TNFAIP1: variants seen among roughly 807,000 people sequenced by gnomAD.
TNFAIP1 encodes BTB/POZ domain-containing adapter for CUL3-mediated RhoA degradation protein 2.
Under a neutral mutation model 32.6 loss-of-function variants are expected in TNFAIP1, and 20 were observed. The ratio of observed to expected loss-of-function variants is 0.61; its 90% CI spans 0.43 to 0.89. TNFAIP1 has a LOEUF of 0.89. Among genes scored for constraint, TNFAIP1 ranks in the 40% least tolerant of loss-of-function variants. The pLI is 0.00. For synonymous variants in TNFAIP1, 166 were observed against 166.8 expected, an observed-to-expected ratio of 1.00 and a Z score of 0.04; for missense variants, 319 against 425.1, an observed-to-expected ratio of 0.75 and a Z score of 2.20.
At position 28,339,424 on chromosome 17, in the gene TNFAIP1, C is replaced by G. The variant is rs1907281785; in HGVS notation, c.-98C>G. 1.7e-6 allele frequency: 2 copies of G among 1,211,068 alleles called. No individual in the cohort carries two copies. The highest frequency in any genetic ancestry group is 1.5e-5 in the African/African-American group (1 of 65,756). The allele number at this position is 1,211,068 out of a possible 1,614,324, so 75.0% of individuals were successfully genotyped here. A position where few individuals can be genotyped will look rare whatever the true frequency, so the allele number is the denominator to read the frequency against. On this transcript the variant is annotated 5_prime_UTR_variant, in exon 2 of 7. Transcript: ENST00000226225. ...CATGTACAGCACTGAGATTATGAGG[C>G]TCTGGCCTCCACTGGCCACTCACTC...
chr17:28,343,845 G>A (rs1281419491), intron 6 of TNFAIP1, among the ~76,000 whole-genome samples: 1 of 152,098 alleles, frequency 6.6e-6, no homozygotes, highest in Non-Finnish European at 1.5e-5. Flanking sequence ...TCATGCCGGT[G>A]ACACACTGCG....
At chr17:28,344,245 C>A in intron 6 of TNFAIP1, 119 bp from the exon 7 acceptor site, 3 of 866,254 alleles carry the variant, frequency 3.5e-6, no homozygotes, top group Non-Finnish European at 5.6e-6. Context: ...GGAGACGGAC[C>A]GCCACCTGTT....
chr17:28,341,819 C>T (rs1907372294), intron 5 of TNFAIP1, among the ~76,000 whole-genome samples: 1 of 152,176 alleles, frequency 6.6e-6, no homozygotes, highest in African/African-American at 2.4e-5. Context: ...CTCCCCACAC[C>T]CTCCAGGCCA....
In TNFAIP1 at chr17:28,340,583, T is replaced by C. The variant is rs970166168; in HGVS notation, c.375+105T>C. 1.2e-5 allele frequency: 16 copies of C among 1,341,108 alleles called. No individual in the cohort carries two copies. The African/African-American group carries it at 1.7e-4, about 14-fold the overall frequency. 83.1% of individuals were successfully genotyped at this position (1,341,108 alleles called of 1,614,324 possible). On this transcript the variant is annotated intron_variant, in intron 3 of 6. Coordinates refer to ENST00000226225, the MANE Select transcript of TNFAIP1 (RefSeq NM_021137.5). This position sits in a 1 kb window ranked among gnomAD's most constrained non-coding sequence, Gnocchi z 4.1. ...CTGGCAGGTTGTGTGGGAGGCGTGG[T>C]TGATGAGTGCAAACCTAATGAGACA...
At chr17:28,335,949 C>G (rs1269677420) in intron 1 of TNFAIP1, 93 bp downstream of exon 1, 1 of 152,024 alleles carries the variant, frequency 6.6e-6, no homozygotes, top group Non-Finnish European at 1.5e-5. Context: ...GGAAAAGGCG[C>G]GGGCGGCGTA....
In TNFAIP1 at chr17:28,342,905, G is replaced by C. The variant is rs1907418766; in HGVS notation, c.714+463G>C. On this transcript the variant is annotated intron_variant, in intron 6 of 6. Transcript: ENST00000226225. This position sits in a 1 kb window ranked among gnomAD's most constrained non-coding sequence, Gnocchi z 4.0. ...AGAAACAGCTTGGGCTTTCGTGTTA[G>C]AATGCTGTTCAGATCTCCTGTCTGA... Among the ~76,000 whole-genome samples, 1 of 152,230 alleles carries C rather than the reference G, an allele frequency of 6.6e-6. No individual in the cohort carries two copies. The highest frequency in any genetic ancestry group is 2.4e-5 in the African/African-American group (1 of 41,464).
Position 28,342,458 on chromosome 17 carries a change from C to A in TNFAIP1, c.714+16C>A. 1 of 1,569,108 alleles carries A rather than the reference C, an allele frequency of 6.4e-7. No individual in the cohort carries two copies. Among genetic ancestry groups the A allele is most frequent in the Non-Finnish European group, 8.7e-7 (1 of 1,144,864 alleles). On this transcript the variant is annotated intron_variant, in intron 6 of 6. Transcript: ENST00000226225. This position sits in a 1 kb window ranked among gnomAD's most constrained non-coding sequence, Gnocchi z 4.0. Reference sequence around the variant, plus strand: ...GCAGACCAAGGTGTGGGGGATTGCCCCTGCCTGGGTAGGGGAGGACACACA... The same window carrying A: ...GCAGACCAAGGTGTGGGGGATTGCCACTGCCTGGGTAGGGGAGGACACACA...
chr17:28,342,624 GC>G lies in TNFAIP1; in HGVS notation c.714+183del. On this transcript the variant is annotated intron_variant, in intron 6 of 6. Transcript: ENST00000226225. This position sits in a 1 kb window ranked among gnomAD's most constrained non-coding sequence, Gnocchi z 4.0. The stretch of plus-strand genomic sequence containing the variant: ...GGGGTGTGGGGAATGGACGGGAACT[GC>G]TTTGTTCCTGACAGCGCAGGGCAGG... 1 of 566,620 alleles carries G rather than the reference GC, an allele frequency of 1.8e-6. No individual in the cohort carries two copies. The highest frequency in any genetic ancestry group is 2.9e-6 in the Non-Finnish European group (1 of 342,716). The allele number at this position is 566,620 out of a possible 1,614,324, so 35.1% of individuals were successfully genotyped here.
At chr17:28,341,171 G>A (rs2142384460) in intron 3 of TNFAIP1, 66 bp from the exon 4 acceptor site, 1 of 1,573,000 alleles carries the variant, frequency 6.4e-7, no homozygotes, top group Non-Finnish European at 8.7e-7. Flanking sequence ...GGGCTCCAGA[G>A]GTATACCTCG....
At chr17:28,339,259 A>AT in intron 1 of TNFAIP1, 149 bp from the exon 2 acceptor site, 1 of 309,580 alleles carries the variant, frequency 3.2e-6, no homozygotes, top group African/African-American at 2.2e-5. Flanking sequence ...AAAAAAAAAA[A>AT]GAAAGCAAAA....
At chr17:28,341,198 G>A in intron 3 of TNFAIP1, 39 bp from the exon 4 acceptor site, 4 of 1,610,660 alleles carry the variant, frequency 2.5e-6, no homozygotes, top group Non-Finnish European at 3.4e-6. Context: ...CTGGGAAGCA[G>A]AAGATCCTAA....
chr17:28,343,714 G>C (rs1180412386), intron 6 of TNFAIP1, among the ~76,000 whole-genome samples: 1 of 151,854 alleles, frequency 6.6e-6, no homozygotes, highest in Admixed American at 6.6e-5. Context: ...TGTGAGACAC[G>C]CAGGGCTAGA....
Position 28,342,648 on chromosome 17 carries a change from A to T in TNFAIP1, c.714+206A>T, listed in dbSNP as rs782415469. ...TGCTTTGTTCCTGACAGCGCAGGGC[A>T]GGGGCCGTTGACCACCAGGAAGTAG... On this transcript the variant is annotated intron_variant, in intron 6 of 6. Transcript: ENST00000226225. The surrounding 1 kb of genome is among the most constrained non-coding windows in gnomAD (Gnocchi z 4.0). 7 of 486,514 alleles carry T rather than the reference A, an allele frequency of 1.4e-5. No individual in the cohort carries two copies. The highest frequency in any genetic ancestry group is 2.5e-5 in the Non-Finnish European group (7 of 280,746). The allele number at this position is 486,514 out of a possible 1,614,324, so 30.1% of individuals were successfully genotyped here.
chr17:28,344,407 T>G lies in TNFAIP1; in HGVS notation c.758T>G (p.Val253Gly). ...EARIYEETLN[V>G]LLYETPRVPD... is the part of the protein sequence containing the mutation. ...CGAATCTATGAGGAGACACTCAACGTCCTACTCTATGAGACTCCCCGCGTC... is the reference window on the plus strand; with the variant it reads ...CGAATCTATGAGGAGACACTCAACGGCCTACTCTATGAGACTCCCCGCGTC... Residue 253 changes from valine (V) to glycine (G), a missense_variant, in exon 7 of 7, where the codon GTC becomes GGC. Physicochemically the swap from Val to Gly is moderately radical, Grantham distance 109. Transcript: ENST00000226225. 1 of 1,613,794 alleles carries G rather than the reference T, an allele frequency of 6.2e-7. No individual in the cohort carries two copies. The highest frequency in any genetic ancestry group is 8.5e-7 in the Non-Finnish European group (1 of 1,179,982).
chr17:28,340,623 C>T lies in TNFAIP1; in HGVS notation c.375+145C>T. 1.1e-6 allele frequency: 1 copy of T among 879,912 alleles called. No individual in the cohort carries two copies. Among genetic ancestry groups the T allele is most frequent in the Admixed American group, 2.7e-5 (1 of 36,550 alleles). 54.5% of individuals were successfully genotyped at this position (879,912 alleles called of 1,614,324 possible). A position where few individuals can be genotyped will look rare whatever the true frequency, so the allele number is the denominator to read the frequency against. ...CTAATGAGACAAGTGAGATGCCACC[C>T]AGGCCCACCAACCTGGCAGCCAGGT... is the stretch of plus-strand genomic sequence containing the variant. On this transcript the variant is annotated intron_variant, in intron 3 of 6. Coordinates refer to ENST00000226225, the MANE Select transcript of TNFAIP1 (RefSeq NM_021137.5). This position sits in a 1 kb window ranked among gnomAD's most constrained non-coding sequence, Gnocchi z 4.1.
At position 28,344,625 on chromosome 17, in the gene TNFAIP1, C is replaced by A. The variant is rs368989668; in HGVS notation, c.*25C>A. Reference sequence around the variant, plus strand: ...ACCAGACCCTCAGGGAGTCAGGGCACGGGAGGCCCTATCTCCCATCCTGTG... The same window carrying A: ...ACCAGACCCTCAGGGAGTCAGGGCAAGGGAGGCCCTATCTCCCATCCTGTG... On this transcript the variant is annotated 3_prime_UTR_variant, in exon 7 of 7. Coordinates refer to ENST00000226225, the MANE Select transcript of TNFAIP1 (RefSeq NM_021137.5). 1.2e-6 allele frequency: 2 copies of A among 1,602,984 alleles called. No homozygotes were observed. Among genetic ancestry groups the A allele is most frequent in the African/African-American group, 2.7e-5 (2 of 74,938 alleles).
chr17:28,342,639 G>T lies in TNFAIP1; in HGVS notation c.714+197G>T. Reference sequence around the variant, plus strand: ...GACGGGAACTGCTTTGTTCCTGACAGCGCAGGGCAGGGGCCGTTGACCACC... The same window carrying T: ...GACGGGAACTGCTTTGTTCCTGACATCGCAGGGCAGGGGCCGTTGACCACC... On this transcript the variant is annotated intron_variant, in intron 6 of 6. Transcript: ENST00000226225. This position sits in a 1 kb window ranked among gnomAD's most constrained non-coding sequence, Gnocchi z 4.0. 2.0e-6 allele frequency: 1 copy of T among 508,694 alleles called. No individual in the cohort carries two copies. The allele number at this position is 508,694 out of a possible 1,614,324, so 31.5% of individuals were successfully genotyped here. A position where few individuals can be genotyped will look rare whatever the true frequency, so the allele number is the denominator to read the frequency against.
chr17:28,344,691 G>C lies in TNFAIP1; in HGVS notation c.*91G>C. The C allele has an allele frequency of 7.4e-7, 1 of 1,347,392 alleles. No individual in the cohort carries two copies. Among genetic ancestry groups the C allele is most frequent in the South Asian group, 1.2e-5 (1 of 80,608 alleles). The allele number at this position is 1,347,392 out of a possible 1,614,324, so 83.5% of individuals were successfully genotyped here. The stretch of plus-strand genomic sequence containing the variant: ...GCCACCCCATGCTGCTGCTGCCTGG[G>C]TCTCTGCTCTAGCACCCAGAGGCAT... On this transcript the variant is annotated 3_prime_UTR_variant, in exon 7 of 7. Coordinates refer to ENST00000226225, the MANE Select transcript of TNFAIP1 (RefSeq NM_021137.5).
In TNFAIP1 at chr17:28,339,662, C is replaced by T; in HGVS notation, c.141C>T (p.Thr47=). 1 of 1,614,084 alleles carries T rather than the reference C, an allele frequency of 6.2e-7. No individual in the cohort carries two copies. The highest frequency in any genetic ancestry group is 8.5e-7 in the Non-Finnish European group (1 of 1,180,020). ...ACTACACCACTGTGCGGGCCCTGAC[C>T]CGCCACGACACCATGCTCAAGGCCA... is the stretch of plus-strand genomic sequence containing the variant. The part of the protein sequence containing the change: ...SLYYTTVRAL[T]RHDTMLKAMF... The change falls in exon 2 of 7, where the codon ACC becomes ACT. Residue 47 remains threonine, a synonymous_variant. Transcript: ENST00000226225.
Sources: gnomAD v4.1 joint callset for allele counts (sites outside exome capture counted in the v4.1 genomes callset) on GRCh38, gnomAD v4.1.1 for gene constraint, Gnocchi (gnomAD v3.1) non-coding constraint, MANE v1.5 for transcripts, NCBI Gene and HGNC (gene_info 2026-07-23, HGNC 2026-07-21) for gene names.